The following PPP1R1C variants were observed in gnomAD, a reference collection of about 807,000 sequenced individuals.
PPP1R1C encodes the protein protein phosphatase 1 regulatory inhibitor subunit 1C.
In PPP1R1C, 15 loss-of-function variants were observed where a neutral mutation model predicts 17.4. That is an observed-to-expected ratio of 0.86 (90% confidence interval 0.58 to 1.33). The LOEUF (loss-of-function observed/expected upper bound fraction) is 1.33, where lower values mean the gene tolerates loss of function less well. PPP1R1C is among the 40% of genes most tolerant of loss of function. The probability of loss-of-function intolerance (pLI) is 0.00; values close to 1 mark genes in which losing one functional copy is unlikely to be tolerated. For missense variants in PPP1R1C, 143 were observed against 130.0 expected (o/e 1.10, Z -0.48); for synonymous variants, 35 against 43.1 (o/e 0.81, Z 0.73).
intron 2 of PPP1R1C, among the ~76,000 whole-genome samples, chr2:182,029,280 G>C (rs1426149020): frequency 7.1e-6 from 1 of 140,248 alleles, no homozygotes; most frequent in African/African-American, 2.7e-5. Context: ...TATTTTGCTC[G>C]TTAGTTGATG....
intron 2 of PPP1R1C, among the ~76,000 whole-genome samples, chr2:182,005,544 AT>A (rs1685894447): frequency 6.6e-6 from 1 of 152,174 alleles, no homozygotes; most frequent in African/African-American, 2.4e-5. Flanking sequence ...AGTTATCTAA[AT>A]ATGGTTTTGG....
intron 4 of PPP1R1C, among the ~76,000 whole-genome samples, chr2:182,091,488 TA>T (rs140631695): frequency 0.37 from 53,525 of 146,322 alleles, 10,479 homozygotes; most frequent in Admixed American, 0.46. Context: ...AAAAAAATAA[TA>T]AAAAAAAAAG....
At chr2:182,106,974 C>A (rs1689273452) in intron 4 of PPP1R1C, among the ~76,000 whole-genome samples, 1 of 152,128 alleles carries the variant, frequency 6.6e-6, no homozygotes, top group Non-Finnish European at 1.5e-5. Flanking sequence ...ATTTCACAGT[C>A]ATTTTGGACT....
At chr2:182,102,716 G>A (rs931835000) in intron 4 of PPP1R1C, among the ~76,000 whole-genome samples, 1 of 152,150 alleles carries the variant, frequency 6.6e-6, no homozygotes, top group African/African-American at 2.4e-5. Context: ...GTAACACAAA[G>A]ATGATTTTTT....
At chr2:182,042,561 C>A (rs1687218132) in intron 2 of PPP1R1C, among the ~76,000 whole-genome samples, 1 of 152,080 alleles carries the variant, frequency 6.6e-6, no homozygotes, top group Non-Finnish European at 1.5e-5. Flanking sequence ...GTGAACTGTC[C>A]CCCAAGAGCA....
chr2:182,058,080 A>AT (rs200850784), intron 2 of PPP1R1C, among the ~76,000 whole-genome samples: 1,868 of 152,162 alleles, frequency 0.012, 20 homozygotes, highest in South Asian at 0.037. Flanking sequence ...CCCAATAATG[A>AT]TTTTTTTAAT....
intron 2 of PPP1R1C, among the ~76,000 whole-genome samples, chr2:182,049,147 A>G (rs1448044099): frequency 6.6e-6 from 1 of 152,096 alleles, no homozygotes; most frequent in Non-Finnish European, 1.5e-5. Context: ...AATCTGGCCA[A>G]CATGGTGAAA....
chr2:182,010,280 T>C (rs1686052085), intron 2 of PPP1R1C, among the ~76,000 whole-genome samples: 1 of 152,104 alleles, frequency 6.6e-6, no homozygotes, highest in Non-Finnish European at 1.5e-5. Flanking sequence ...CATTTTTTTG[T>C]GTCCTTTTCA....
At position 181,961,958 on chromosome 2, in the gene PPP1R1C, A is replaced by G; in HGVS notation, n.111+7324A>G. The G allele has an allele frequency of 1.4e-6, 1 of 736,866 alleles. No homozygotes were observed. Among genetic ancestry groups the G allele is most frequent in the South Asian group, 1.4e-5 (1 of 73,462 alleles). The allele number at this position is 736,866 out of a possible 1,614,324, so 45.6% of individuals were successfully genotyped here. On this transcript the variant is annotated intron_variant and non_coding_transcript_variant, in intron 1 of 5. Transcript: ENST00000464264. The surrounding 1 kb of genome is among the most constrained non-coding windows in gnomAD (Gnocchi z 5.8). ...GATGTCACTCCCCACAGACGGGTGC[A>G]TGGCCAGCTCTGTCTCATACTTGAC...
At chr2:181,975,821 C>G (rs1051593107) in intron 2 of PPP1R1C, among the ~76,000 whole-genome samples, 2 of 151,844 alleles carry the variant, frequency 1.3e-5, no homozygotes, top group Non-Finnish European at 2.9e-5. Context: ...GAACAGTGTT[C>G]TTTTGCATTA....
At chr2:182,115,558 T>C (rs1220803003) in intron 4 of PPP1R1C, among the ~76,000 whole-genome samples, 1 of 152,146 alleles carries the variant, frequency 6.6e-6, no homozygotes, top group Non-Finnish European at 1.5e-5. Flanking sequence ...GGTTGGACAC[T>C]TAATAAACCC....
At chr2:182,046,215 A>G (rs1687343224) in intron 2 of PPP1R1C, among the ~76,000 whole-genome samples, 1 of 151,794 alleles carries the variant, frequency 6.6e-6, no homozygotes, top group Admixed American at 6.6e-5. Context: ...CAGTGTGAAT[A>G]CATTATTAAC....
At chr2:182,103,249 T>C (rs757487857) in intron 4 of PPP1R1C, among the ~76,000 whole-genome samples, 1 of 152,240 alleles carries the variant, frequency 6.6e-6, no homozygotes, top group African/African-American at 2.4e-5. Flanking sequence ...GTTATTAAAT[T>C]TGAATAGAGT....
At chr2:181,990,575 G>T (rs1685447933) in intron 2 of PPP1R1C, among the ~76,000 whole-genome samples, 1 of 152,132 alleles carries the variant, frequency 6.6e-6, no homozygotes, top group Non-Finnish European at 1.5e-5. Flanking sequence ...CAAAGATTAG[G>T]TATCATTAAC....
intron 2 of PPP1R1C, among the ~76,000 whole-genome samples, chr2:182,007,971 G>A (rs1574372073): frequency 1.3e-5 from 2 of 152,304 alleles, no homozygotes; most frequent in East Asian, 3.9e-4. Flanking sequence ...GGGAGGCTGA[G>A]GCAGGAGAAT....
Position 181,976,828 on chromosome 2 carries a change from G to GT in PPP1R1C, n.157+1570dup, listed in dbSNP as rs1458906981. On this transcript the variant is annotated intron_variant and non_coding_transcript_variant, in intron 2 of 5. Transcript: ENST00000464264. This position sits in a 1 kb window ranked among gnomAD's most constrained non-coding sequence, Gnocchi z 4.8. ...GAGGCTTTCTTTTAACTGTCAAGGT[G>GT]TTTTTTAAAGAACTTGCCTAAATTA... 5.9e-5 allele frequency among the ~76,000 whole-genome samples: 9 copies of GT among 152,102 alleles called. No individual in the cohort carries two copies. The South Asian group carries it at 1.9e-3, about 32-fold the overall frequency.
downstream of PPP1R1C, among the ~76,000 whole-genome samples, chr2:182,118,611 A>G (rs141212588): frequency 0.01 from 1,587 of 152,258 alleles, 35 homozygotes; most frequent in African/African-American, 0.036. Flanking sequence ...TTTAATTTTG[A>G]ATATGAGTTT....
At position 181,961,655 on chromosome 2, in the gene PPP1R1C, C is replaced by T. The variant is rs1264987232; in HGVS notation, n.111+7021C>T. ...GTAGTGACCACTGTGGTGCTCTTCT[C>T]AATCTGCTGAGACCAGCACTTGTCC... On this transcript the variant is annotated intron_variant and non_coding_transcript_variant, in intron 1 of 5. Coordinates refer to the PPP1R1C transcript ENST00000464264. The surrounding 1 kb of genome is among the most constrained non-coding windows in gnomAD (Gnocchi z 5.8). 2.7e-6 allele frequency: 2 copies of T among 754,304 alleles called. No homozygotes were observed. Among genetic ancestry groups the T allele is most frequent in the Admixed American group, 1.8e-5 (1 of 56,712 alleles). The allele number at this position is 754,304 out of a possible 1,614,324, so 46.7% of individuals were successfully genotyped here. A position where few individuals can be genotyped will look rare whatever the true frequency, so the allele number is the denominator to read the frequency against.
chr2:182,024,786 C>G (rs953935571), intron 2 of PPP1R1C, among the ~76,000 whole-genome samples: 2 of 151,854 alleles, frequency 1.3e-5, no homozygotes, highest in African/African-American at 4.8e-5. Flanking sequence ...ACCCAGGAGG[C>G]AGAGGTTGCA....
Sources: allele counts gnomAD v4.1 joint callset (sites outside exome capture counted in the v4.1 genomes callset), GRCh38; gene constraint gnomAD v4.1.1; non-coding constraint Gnocchi (gnomAD v3.1); transcripts MANE v1.5; gene names NCBI Gene and HGNC (gene_info 2026-07-23, HGNC 2026-07-21).